The following AUTS2 variants were observed in gnomAD, a reference collection of about 807,000 sequenced individuals.
AUTS2 encodes autism susceptibility gene 2 protein.
In AUTS2, 17 loss-of-function variants were observed where a neutral mutation model predicts 112.4. That is an observed-to-expected ratio of 0.15 (90% CI 0.10 to 0.23). The LOEUF (loss-of-function observed/expected upper bound fraction) is 0.23. AUTS2 is among the 10% of genes least tolerant of loss of function. AUTS2 has a pLI of 1.00. For missense variants in AUTS2, 1,510 were observed against 1,701.6 expected, an observed-to-expected ratio of 0.89 and a Z score of 1.98; for synonymous variants, 751 against 702.7, an observed-to-expected ratio of 1.07 and a Z score of -1.09.
chr7:70,779,619 C>A (rs974567347), intron 14 of AUTS2, among the ~76,000 whole-genome samples: 1 of 152,200 alleles, frequency 6.6e-6, no homozygotes, highest in Admixed American at 6.5e-5. Context: ...AATATAGATG[C>A]CCCCTCATGG....
intron 4 of AUTS2, among the ~76,000 whole-genome samples, chr7:70,332,530 G>C (rs1473202922): frequency 1.3e-5 from 2 of 152,160 alleles, no homozygotes; most frequent in Non-Finnish European, 2.9e-5. Flanking sequence ...AAAGAACAAA[G>C]CTGGAGGCGT....
At chr7:69,743,950 ACCTTG>A (rs1787374485) in intron 1 of AUTS2, among the ~76,000 whole-genome samples, 1 of 151,274 alleles carries the variant, frequency 6.6e-6, no homozygotes, top group Non-Finnish European at 1.5e-5. Flanking sequence ...GGCATGTGCC[ACCTTG>A]CTAGGCTAAT....
intron 5 of AUTS2, among the ~76,000 whole-genome samples, chr7:70,610,302 A>G (rs1804020227): frequency 2.6e-5 from 4 of 151,314 alleles, no homozygotes; most frequent in Admixed American, 2.6e-4. Flanking sequence ...CCCAACCCAT[A>G]TTTTTAATGT....
chr7:70,006,441 G>A (rs773586874), intron 2 of AUTS2, among the ~76,000 whole-genome samples: 35 of 152,054 alleles, frequency 2.3e-4, no homozygotes, highest in Non-Finnish European at 4.7e-4. Flanking sequence ...AATGTGAGAC[G>A]AGAGCAGCAT....
At chr7:70,062,338 C>A (rs1802290341) in intron 2 of AUTS2, among the ~76,000 whole-genome samples, 1 of 151,566 alleles carries the variant, frequency 6.6e-6, no homozygotes, top group Non-Finnish European at 1.5e-5. Context: ...CGTGATGAAA[C>A]CCTGTCTCTA....
In AUTS2 at chr7:70,386,853, G is replaced by A. The variant is rs149482221; in HGVS notation, c.661-48899G>A. On this transcript the variant is annotated intron_variant, in intron 4 of 18. Transcript: ENST00000342771. Reference sequence around the variant, plus strand: ...AAACATCATTATCAAGTCACCTCCCGACTTTTCTGTAGGATGAATGATCTG... The same window carrying A: ...AAACATCATTATCAAGTCACCTCCCAACTTTTCTGTAGGATGAATGATCTG... Among the ~76,000 whole-genome samples the A allele has an allele frequency of 5.4e-4, 82 of 152,000 alleles. 1 individual carries two copies. Among genetic ancestry groups the A allele is most frequent in the East Asian group, 9.7e-4 (5 of 5,170 alleles).
At chr7:69,855,393 A>C (rs1292172249) in intron 1 of AUTS2, among the ~76,000 whole-genome samples, 2 of 152,200 alleles carry the variant, frequency 1.3e-5, no homozygotes, top group Non-Finnish European at 2.9e-5. Flanking sequence ...ATAGACAAGA[A>C]ACCTGACACC....
chr7:70,053,286 C>CA (rs1021827248), intron 2 of AUTS2, among the ~76,000 whole-genome samples: 2 of 152,184 alleles, frequency 1.3e-5, no homozygotes, highest in Admixed American at 1.3e-4. Context: ...GCATCTACTA[C>CA]AAAAAATCTA....
intron 5 of AUTS2, among the ~76,000 whole-genome samples, chr7:70,445,059 C>T (rs968778208): frequency 6.6e-6 from 1 of 152,154 alleles, no homozygotes; most frequent in African/African-American, 2.4e-5. Flanking sequence ...ATTCAAAACA[C>T]TTTTAAAAAC....
intron 5 of AUTS2, among the ~76,000 whole-genome samples, chr7:70,480,409 G>A (rs1797746660): frequency 6.6e-6 from 1 of 152,176 alleles, no homozygotes; most frequent in Admixed American, 6.5e-5. Context: ...AATCTACATG[G>A]CCATATCCTT....
intron 3 of AUTS2, chr7:70,119,566 T>C (rs1220858890): frequency 6.6e-6 from 1 of 151,988 alleles, no homozygotes; most frequent in Non-Finnish European, 1.5e-5. Flanking sequence ...GGTTTCACCA[T>C]ATTGGCCAGG....
rs1248376509 is a variant in AUTS2 at position 70,721,640 on chromosome 7, T to C, written c.742+23020T>C. Among the ~76,000 whole-genome samples, 3 of 152,204 alleles carry C rather than the reference T, an allele frequency of 2.0e-5. No homozygotes were observed. In the East Asian group the frequency reaches 5.8e-4, roughly 29 times the overall value. On this transcript the variant is annotated intron_variant, in intron 6 of 18. Transcript: ENST00000342771. ...TGGACACTGAGATGTTGTACATAGC[T>C]TTGCTTGTAGCAGTTCATGACCTGC...
At chr7:69,734,556 T>C (rs1266669363) in intron 1 of AUTS2, among the ~76,000 whole-genome samples, 4 of 152,028 alleles carry the variant, frequency 2.6e-5, no homozygotes, top group Non-Finnish European at 5.9e-5. Context: ...TGCAGAAGTC[T>C]GGGCTTTACA....
intron 4 of AUTS2, among the ~76,000 whole-genome samples, chr7:70,284,958 C>T (rs1788388871): frequency 6.6e-6 from 1 of 152,230 alleles, no homozygotes; most frequent in Non-Finnish European, 1.5e-5. Context: ...GGCCCCTTTC[C>T]TCTGCATGTG....
rs1191744527 is a variant in AUTS2 at position 70,542,936 on chromosome 7, A to G, written c.690+107155A>G. Among the ~76,000 whole-genome samples the G allele has an allele frequency of 3.3e-5, 5 of 152,198 alleles. No homozygotes were observed. In the East Asian group the frequency reaches 9.7e-4, roughly 29 times the overall value. ...TAAGAGGATATAAATAGTAAGTGAA[A>G]AAAATAGATTCAGTTCCAAGCACTA... On this transcript the variant is annotated intron_variant, in intron 5 of 18. Transcript: ENST00000342771.
In AUTS2 at chr7:69,901,028, G is replaced by A. The variant is rs374516845; in HGVS notation, c.522+1530G>A. 1.2e-4 allele frequency among the ~76,000 whole-genome samples: 18 copies of A among 152,270 alleles called. No homozygotes were observed. In the East Asian group the frequency reaches 3.3e-3, roughly 28 times the overall value. On this transcript the variant is annotated intron_variant, in intron 2 of 18. Transcript: ENST00000342771. ...GATAAAGTGACTTGTCTGAGGCCTTGTCAATGAGGGAAGGAGCCAGGGTTT... is the reference window on the plus strand; with the variant it reads ...GATAAAGTGACTTGTCTGAGGCCTTATCAATGAGGGAAGGAGCCAGGGTTT...
intron 1 of AUTS2, among the ~76,000 whole-genome samples, chr7:69,865,700 G>A (rs1018833353): frequency 6.6e-6 from 1 of 152,150 alleles, no homozygotes; most frequent in African/African-American, 2.4e-5. Flanking sequence ...ACCCCTGTGT[G>A]TACTGCATCA....
At chr7:70,444,373 T>TGTGTGTGTGTGTGTGTGTGTGTGTGA (rs372696006) in intron 5 of AUTS2, among the ~76,000 whole-genome samples, 2 of 142,440 alleles carry the variant, frequency 1.4e-5, no homozygotes, top group African/African-American at 5.4e-5. Context: ...TGTGTGTGTG[T>TGTGTGTGTGTGTGTGTGTGTGTGTGA]GAGAGAGAGA....
chr7:69,689,544 A>G (rs1269057310), intron 1 of AUTS2, among the ~76,000 whole-genome samples: 1 of 150,676 alleles, frequency 6.6e-6, no homozygotes, highest in Non-Finnish European at 1.5e-5. Flanking sequence ...GTTTCACCGT[A>G]TTGGCCAGGC....
Sources: gnomAD v4.1 joint callset for allele counts (sites outside exome capture counted in the v4.1 genomes callset) on GRCh38, gnomAD v4.1.1 for gene constraint, MANE v1.5 for transcripts, NCBI Gene and HGNC (gene_info 2026-07-23, HGNC 2026-07-21) for gene names.